The following KIF13B variants were observed in gnomAD, a reference collection of about 807,000 sequenced individuals.
The protein encoded by KIF13B is kinesin-like protein KIF13B.
KIF13B carries 127 observed loss-of-function variants against 222.0 expected under a neutral mutation model. That is an observed-to-expected ratio of 0.57 (90% confidence interval 0.50 to 0.66). The LOEUF is 0.66. KIF13B is among the 30% of genes least tolerant of loss of function. KIF13B has a pLI of 0.00. For synonymous variants in KIF13B, 976 were observed against 919.0 expected (o/e 1.06, Z -1.12); for missense variants, 2,173 against 2,379.0 (o/e 0.91, Z 1.80).
chr8:29,070,875 C>T lies in KIF13B; in HGVS notation c.5219-109G>A, dbSNP rs1398360355. On this transcript the variant is annotated intron_variant, in intron 39 of 39. Coordinates refer to ENST00000524189, the MANE Select transcript of KIF13B (RefSeq NM_015254.4). This position sits in a 1 kb window ranked among gnomAD's most constrained non-coding sequence, Gnocchi z 4.1. ...GTGCCCACACTGCCACCCCCCCGCACAGGCCCTACACAGCCAGCACTCGGA... is the reference window on the plus strand; with the variant it reads ...GTGCCCACACTGCCACCCCCCCGCATAGGCCCTACACAGCCAGCACTCGGA... 97 of 1,190,074 alleles carry T rather than the reference C, an allele frequency of 8.2e-5. No homozygotes were observed. Among genetic ancestry groups the T allele is most frequent in the Non-Finnish European group, 1.1e-4 (89 of 836,378 alleles). 73.7% of individuals were successfully genotyped at this position (1,190,074 alleles called of 1,614,324 possible).
chr8:29,222,515 C>CTT (rs58488862), intron 2 of KIF13B, among the ~76,000 whole-genome samples: 1 of 60,594 alleles, frequency 1.7e-5, no homozygotes, highest in African/African-American at 7.5e-5. Context: ...CCACACCTGA[C>CTT]TTTTTTTTTT....
At position 29,072,031 on chromosome 8, in the gene KIF13B, G is replaced by A. The variant is rs1807313425; in HGVS notation, c.4807C>T (p.Pro1603Ser). ...GSMPTAPEAE[P>S]EAPISHPPPP... ...GGGGGGTGGCTGATGGGCGCCTCGG[G>A]CTCGGCCTCAGGGGCGGTGGGCATG... The change falls in exon 39 of 40, where the codon CCC (proline) becomes TCC (serine). Residue 1603 changes from proline (P) to serine (S), a missense_variant. By Grantham distance (74) the Pro-to-Ser change is moderately conservative. This residue lies in a region of KIF13B where 693 missense variants were observed against 656.2 expected (regional missense o/e 1.06). Coordinates refer to ENST00000524189, the MANE Select transcript of KIF13B (RefSeq NM_015254.4). The A allele has an allele frequency of 7.7e-7, 1 of 1,297,574 alleles. No homozygotes were observed. The allele number at this position is 1,297,574 out of a possible 1,614,324, so 80.4% of individuals were successfully genotyped here.
chr8:29,186,969 CAA>C (rs766708048), intron 5 of KIF13B, among the ~76,000 whole-genome samples: 16 of 68,614 alleles, frequency 2.3e-4, no homozygotes, highest in Non-Finnish European at 1.8e-4. Context: ...ACTCCATCTC[CAA>C]AAAAAAAAAA....
At chr8:29,126,083 T>C (rs1216420122) in intron 26 of KIF13B, among the ~76,000 whole-genome samples, 1 of 147,526 alleles carries the variant, frequency 6.8e-6, no homozygotes, top group Non-Finnish European at 1.5e-5. Flanking sequence ...TGAGACTCTG[T>C]CACAAAAAAA....
intron 2 of KIF13B, among the ~76,000 whole-genome samples, chr8:29,227,441 C>G (rs1453157575): frequency 6.6e-6 from 1 of 152,098 alleles, no homozygotes; most frequent in South Asian, 2.1e-4. Flanking sequence ...AGGTGCCCAC[C>G]ACCACACCCG....
chr8:29,202,650 A>G (rs1489545803), intron 2 of KIF13B, among the ~76,000 whole-genome samples: 1 of 152,220 alleles, frequency 6.6e-6, no homozygotes, highest in Non-Finnish European at 1.5e-5. Flanking sequence ...AGAGACAGCC[A>G]GTTCCCCTAG....
At chr8:29,107,672 T>A (rs1809146202) in intron 35 of KIF13B, among the ~76,000 whole-genome samples, 2 of 151,116 alleles carry the variant, frequency 1.3e-5, no homozygotes, top group Admixed American at 6.6e-5. Context: ...ACCATTCTCC[T>A]GCCTTAGCCT....
chr8:29,134,665 C>T (rs911887481), intron 21 of KIF13B, among the ~76,000 whole-genome samples: 5 of 152,026 alleles, frequency 3.3e-5, no homozygotes, highest in African/African-American at 1.2e-4. Flanking sequence ...AAGGAAAGAG[C>T]AAAACATGGA....
chr8:29,170,804 G>A (rs370452638), intron 10 of KIF13B, among the ~76,000 whole-genome samples: 5 of 152,334 alleles, frequency 3.3e-5, no homozygotes, highest in African/African-American at 7.2e-5. Context: ...GTGGCTGGGC[G>A]CAGCGGCTCA....
At chr8:29,223,851 CT>C (rs1274168687) in intron 2 of KIF13B, among the ~76,000 whole-genome samples, 2 of 152,086 alleles carry the variant, frequency 1.3e-5, no homozygotes, top group Non-Finnish European at 2.9e-5. Context: ...GCCACCACGC[CT>C]GGCTAATTTT....
At position 29,072,023 on chromosome 8, in the gene KIF13B, C is replaced by T. The variant is rs1208693579; in HGVS notation, c.4815G>A (p.Ala1605=). ...MPTAPEAEPE[A]PISHPPPPTA... ...TGGGCGGTGGGGGGTGGCTGATGGG[C>T]GCCTCGGGCTCGGCCTCAGGGGCGG... Residue 1605 remains alanine, a synonymous_variant, in exon 39 of 40, where the codon GCG becomes GCA. Coordinates refer to ENST00000524189, the MANE Select transcript of KIF13B (RefSeq NM_015254.4). 10 of 1,292,854 alleles carry T rather than the reference C, an allele frequency of 7.7e-6. No homozygotes were observed. The highest frequency in any genetic ancestry group is 8.8e-6 in the Non-Finnish European group (9 of 1,023,794). 80.1% of individuals were successfully genotyped at this position (1,292,854 alleles called of 1,614,324 possible).
chr8:29,130,587 T>C lies in KIF13B; in HGVS notation c.3021A>G (p.Val1007=). ...EQNENGEYCP[V]EVISAKDVPT... Reference sequence around the variant, plus strand: ...GGACATCCTTTGCAGAAATCACTTCTACAGGGCAGTATTCACCATTCTCAT... The same window carrying C: ...GGACATCCTTTGCAGAAATCACTTCCACAGGGCAGTATTCACCATTCTCAT... Residue 1007 remains valine, a synonymous_variant, in exon 24 of 40, where the codon GTA becomes GTG. Transcript: ENST00000524189. 6.2e-7 allele frequency: 1 copy of C among 1,613,714 alleles called. No individual in the cohort carries two copies.
In KIF13B at chr8:29,068,507, T is replaced by C. The variant is rs374432474; in HGVS notation, c.*1997A>G. On this transcript the variant is annotated 3_prime_UTR_variant, in exon 40 of 40. Transcript: ENST00000524189. This position sits in a 1 kb window ranked among gnomAD's most constrained non-coding sequence, Gnocchi z 4.4. The stretch of plus-strand genomic sequence containing the variant: ...GGAACTCTGGCTCGTTCTACTCCAC[T>C]GTAAGTCAAACCGATGGTAAAAAGC... 9 of 151,314 alleles carry C rather than the reference T, an allele frequency of 5.9e-5. No homozygotes were observed. The highest frequency in any genetic ancestry group is 2.2e-4 in the African/African-American group (9 of 41,186). The allele number at this position is 151,314 out of a possible 1,614,324, so 9.4% of individuals were successfully genotyped here. A position where few individuals can be genotyped will look rare whatever the true frequency, so the allele number is the denominator to read the frequency against.
intron 5 of KIF13B, 89 bp from the exon 6 acceptor site, chr8:29,186,561 A>G: frequency 9.5e-7 from 1 of 1,058,106 alleles, no homozygotes; most frequent in Non-Finnish European, 1.4e-6. Context: ...AACACTTGGC[A>G]AAACGCCAAA....
chr8:29,163,219 A>G (rs1488697753), intron 12 of KIF13B, among the ~76,000 whole-genome samples: 1 of 152,252 alleles, frequency 6.6e-6, no homozygotes, highest in Non-Finnish European at 1.5e-5. Flanking sequence ...ACTAAAAGAT[A>G]CAGTCTTTTT....
Position 29,070,417 on chromosome 8 carries a change from A to ACCGGGCT in KIF13B, c.*80_*86dup. 1 of 1,475,956 alleles carries ACCGGGCT rather than the reference A, an allele frequency of 6.8e-7. No homozygotes were observed. Among genetic ancestry groups the ACCGGGCT allele is most frequent in the African/African-American group, 1.4e-5 (1 of 71,490 alleles). The allele number at this position is 1,475,956 out of a possible 1,614,324, so 91.4% of individuals were successfully genotyped here. A position where few individuals can be genotyped will look rare whatever the true frequency, so the allele number is the denominator to read the frequency against. ...TCGCCCTGCCCCTGGGGAAGGGGCC[A>ACCGGGCT]CCGGGCTCCTGGCTCCTCAGGGCTG... On this transcript the variant is annotated 3_prime_UTR_variant, in exon 40 of 40. Coordinates refer to ENST00000524189, the MANE Select transcript of KIF13B (RefSeq NM_015254.4). This position sits in a 1 kb window ranked among gnomAD's most constrained non-coding sequence, Gnocchi z 4.1.
intron 2 of KIF13B, among the ~76,000 whole-genome samples, chr8:29,218,073 C>G (rs575439754): frequency 6.6e-6 from 1 of 152,310 alleles, no homozygotes; most frequent in Admixed American, 6.5e-5. Context: ...CACCGTTACA[C>G]TGTGCTTATT....
chr8:29,167,603 A>G lies in KIF13B; in HGVS notation c.946-18T>C. The G allele has an allele frequency of 6.3e-7, 1 of 1,598,856 alleles. No homozygotes were observed. The highest frequency in any genetic ancestry group is 8.6e-7 in the Non-Finnish European group (1 of 1,166,146). On this transcript the variant is annotated intron_variant, in intron 10 of 39. Coordinates refer to ENST00000524189, the MANE Select transcript of KIF13B (RefSeq NM_015254.4). The stretch of plus-strand genomic sequence containing the variant: ...AGGCTGTCCTACAGGAGAAAACAGA[A>G]AGTTGAGTAGCATATTAAAGTTGGA...
rs1413797032 is a variant in KIF13B at position 29,153,913 on chromosome 8, A to T, written c.1535+1813T>A. Among the ~76,000 whole-genome samples, 3 of 149,386 alleles carry T rather than the reference A, an allele frequency of 2.0e-5. No individual in the cohort carries two copies. The East Asian group carries it at 5.8e-4, about 29-fold the overall frequency. On this transcript the variant is annotated intron_variant, in intron 14 of 39. Transcript: ENST00000524189. Reference sequence around the variant, plus strand: ...TTTAAACTCTGTAAAGCTATGGAGCATTTACCTGGTGATATAGTATTCGTG... The same window carrying T: ...TTTAAACTCTGTAAAGCTATGGAGCTTTTACCTGGTGATATAGTATTCGTG...
Sources: allele counts gnomAD v4.1 joint callset (sites outside exome capture counted in the v4.1 genomes callset), GRCh38; gene constraint gnomAD v4.1.1; regional missense constraint gnomAD v4.1.1; non-coding constraint Gnocchi (gnomAD v3.1); transcripts MANE v1.5; gene names NCBI Gene and HGNC (gene_info 2026-07-23, HGNC 2026-07-21).